HMGN3: variants seen among roughly 807,000 people sequenced by gnomAD.
HMGN3 encodes the protein high mobility group nucleosomal binding domain 3.
Under a neutral mutation model 18.8 loss-of-function variants are expected in HMGN3, and 6 were observed. That is an observed-to-expected ratio of 0.32 (90% CI 0.18 to 0.63). The LOEUF (loss-of-function observed/expected upper bound fraction) is 0.63, where lower values mean the gene tolerates loss of function less well. Ranked by LOEUF, HMGN3 falls within the 30% of genes least tolerant of loss-of-function variation. The pLI is 0.79. For synonymous variants in HMGN3, 40 were observed against 36.5 expected (o/e 1.10, Z -0.35); for missense variants, 107 against 114.2 (o/e 0.94, Z 0.29).
chr6:79,208,568 T>C (rs1776533334), exon 3 of HMGN3: 2 of 1,610,506 alleles, frequency 1.2e-6, no homozygotes, highest in Non-Finnish European at 1.7e-6. Context: ...TGGCAGACCG[T>C]CTTGTGGGCT....
At chr6:79,233,939 C>G (rs1314926717) in intron 1 of HMGN3, 1 of 152,534 alleles carries the variant, frequency 6.6e-6, no homozygotes, top group Non-Finnish European at 1.5e-5. Flanking sequence ...TAGGTCCAGG[C>G]CGCCAGGCCC....
At chr6:79,222,318 A>G (rs763069131) in intron 1 of HMGN3, among the ~76,000 whole-genome samples, 2 of 152,166 alleles carry the variant, frequency 1.3e-5, no homozygotes, top group Non-Finnish European at 2.9e-5. Flanking sequence ...CCAGTATTAA[A>G]TTGGTTAAAA....
chr6:79,204,926 T>C (rs1776341750), intron 3 of HMGN3, among the ~76,000 whole-genome samples: 1 of 152,266 alleles, frequency 6.6e-6, no homozygotes, highest in African/African-American at 2.4e-5. Flanking sequence ...TATACTGTAT[T>C]AATATACATG....
chr6:79,231,878 A>G (rs943356287), intron 1 of HMGN3, among the ~76,000 whole-genome samples: 1 of 152,192 alleles, frequency 6.6e-6, no homozygotes, highest in Non-Finnish European at 1.5e-5. Flanking sequence ...TAGTCTTATC[A>G]CCTCATTGAA....
At chr6:79,201,881 G>T (rs1392608433) in intron 5 of HMGN3, 155 bp from the exon 7 acceptor site, 1 of 983,912 alleles carries the variant, frequency 1.0e-6, no homozygotes, top group Admixed American at 6.2e-5. Context: ...GAGTGAAGAA[G>T]ACAAGGCAGG....
At chr6:79,224,433 C>A (rs184211443) in intron 1 of HMGN3, among the ~76,000 whole-genome samples, 1 of 152,222 alleles carries the variant, frequency 6.6e-6, no homozygotes, top group East Asian at 1.9e-4. Context: ...CATTCATGAG[C>A]CTCTTGAAAT....
chr6:79,201,857 C>T (rs1460091239), intron 5 of HMGN3, 131 bp from the exon 7 acceptor site: 1 of 1,460,312 alleles, frequency 6.8e-7, no homozygotes, highest in Non-Finnish European at 9.0e-7. Context: ...TACTGCAAAA[C>T]CTATTTCAAC....
At chr6:79,203,481 G>T in intron 4 of HMGN3, 99 bp downstream of exon 4, 1 of 1,038,758 alleles carries the variant, frequency 9.6e-7, no homozygotes, top group South Asian at 1.3e-5. Flanking sequence ...GTTTCAGTTT[G>T]GATCATTAAA....
intron 2 of HMGN3, among the ~76,000 whole-genome samples, chr6:79,213,402 T>A (rs1274124392): frequency 1.3e-5 from 2 of 152,222 alleles, no homozygotes; most frequent in East Asian, 3.8e-4. Flanking sequence ...CCATGGTGTT[T>A]CTAGGTTTTT....
intron 3 of HMGN3, among the ~76,000 whole-genome samples, chr6:79,205,090 T>A (rs1371475231): frequency 6.6e-6 from 1 of 152,186 alleles, no homozygotes; most frequent in Non-Finnish European, 1.5e-5. Flanking sequence ...TCTGTTTCGG[T>A]AGCACAGGGA....
chr6:79,234,328 GGAGA>G (rs1778031457), intron 1 of HMGN3: 4 of 443,626 alleles, frequency 9.0e-6, no homozygotes, highest in Non-Finnish European at 1.2e-5. Flanking sequence ...CCGCGTCACT[GGAGA>G]GAAAGTAACA....
At chr6:79,212,700 G>C (rs1776758753) in intron 2 of HMGN3, among the ~76,000 whole-genome samples, 1 of 152,154 alleles carries the variant, frequency 6.6e-6, no homozygotes, top group South Asian at 2.1e-4. Context: ...TCTGCACAAT[G>C]CCTTCTAATA....
intron 1 of HMGN3, 165 bp downstream of exon 1, chr6:79,234,381 G>GAA (rs1778037750): frequency 7.5e-6 from 5 of 662,820 alleles, no homozygotes; most frequent in South Asian, 1.8e-5. Flanking sequence ...AGGGGGGACA[G>GAA]AGAGAGGAAC....
At chr6:79,211,031 AAAT>A (rs200140208) in intron 2 of HMGN3, among the ~76,000 whole-genome samples, 28 of 150,974 alleles carry the variant, frequency 1.9e-4, no homozygotes, top group Admixed American at 4.6e-4. Context: ...AAAAAAAAAA[AAAT>A]GCCTAAGCTG....
chr6:79,219,329 C>G (rs534118211), intron 1 of HMGN3, among the ~76,000 whole-genome samples: 2 of 152,124 alleles, frequency 1.3e-5, no homozygotes, highest in Non-Finnish European at 2.9e-5. Context: ...AACTGCCAAC[C>G]TAGAATTCTA....
chr6:79,217,372 G>C (rs1777044796), intron 1 of HMGN3, among the ~76,000 whole-genome samples: 1 of 152,176 alleles, frequency 6.6e-6, no homozygotes, highest in South Asian at 2.1e-4. Flanking sequence ...TACGATCTGG[G>C]ACAGTGACTT....
chr6:79,214,037 AT>A (rs1440038541), intron 2 of HMGN3, among the ~76,000 whole-genome samples: 1 of 152,138 alleles, frequency 6.6e-6, no homozygotes, highest in Non-Finnish European at 1.5e-5. Context: ...GGATGGTCAA[AT>A]CCAAGAATCT....
intron 1 of HMGN3, among the ~76,000 whole-genome samples, chr6:79,222,370 C>T (rs576241437): frequency 3.3e-5 from 5 of 152,058 alleles, no homozygotes; most frequent in Non-Finnish European, 5.9e-5. Flanking sequence ...TAACACACCA[C>T]GAGAAGGTCT....
chr6:79,228,673 C>T (rs1365899116), intron 1 of HMGN3, among the ~76,000 whole-genome samples: 2 of 152,148 alleles, frequency 1.3e-5, no homozygotes, highest in Non-Finnish European at 2.9e-5. Context: ...GAAGGACTGA[C>T]ATTACCAGAT....
Sources: gnomAD v4.1 joint callset for allele counts (sites outside exome capture counted in the v4.1 genomes callset) on GRCh38, gnomAD v4.1.1 for gene constraint, MANE v1.5 for transcripts, NCBI Gene and HGNC (gene_info 2026-07-23, HGNC 2026-07-21) for gene names.